Variants in CADPS2 observed in about 807,000 individuals in gnomAD.
The protein encoded by CADPS2 is calcium dependent secretion activator 2.
Under a neutral mutation model 172.5 loss-of-function variants are expected in CADPS2, and 93 were observed. That is an observed-to-expected ratio of 0.54 (90% confidence interval 0.46 to 0.64). The LOEUF (loss-of-function observed/expected upper bound fraction) is 0.64. Among genes scored for constraint, CADPS2 ranks in the 30% least tolerant of loss-of-function variants. The probability of loss-of-function intolerance (pLI) is 0.00; values close to 1 mark genes in which losing one functional copy is unlikely to be tolerated. For synonymous variants in CADPS2, 546 were observed against 555.2 expected (o/e 0.98, Z 0.23); for missense variants, 1,420 against 1,565.9 (o/e 0.91, Z 1.57).
At chr7:122,737,208 C>A (rs1274259335) in intron 1 of CADPS2, 140 bp from the exon 2 acceptor site, 1 of 574,044 alleles carries the variant, frequency 1.7e-6, no homozygotes, top group East Asian at 2.9e-5. Context: ...GCTAAAACAT[C>A]CTACTACTTG....
chr7:122,823,376 T>C (rs1356408111), intron 1 of CADPS2, among the ~76,000 whole-genome samples: 2 of 152,194 alleles, frequency 1.3e-5, no homozygotes, highest in African/African-American at 2.4e-5. Flanking sequence ...ATAATATGTA[T>C]ACAGTGTTTA....
intron 8 of CADPS2, among the ~76,000 whole-genome samples, chr7:122,530,206 T>C (rs186058532): frequency 1.5e-4 from 22 of 151,484 alleles, no homozygotes; most frequent in Non-Finnish European, 3.1e-4. Flanking sequence ...AATCTAAAAA[T>C]AAAATATATT....
At chr7:122,405,515 T>C (rs2046540284) in intron 20 of CADPS2, among the ~76,000 whole-genome samples, 1 of 152,048 alleles carries the variant, frequency 6.6e-6, no homozygotes, top group Non-Finnish European at 1.5e-5. Context: ...ATATAAAAAT[T>C]AGCTGGGTGT....
At chr7:122,697,821 A>G in intron 2 of CADPS2, 1 of 1,598,274 alleles carries the variant, frequency 6.3e-7, no homozygotes, top group Non-Finnish European at 8.5e-7. Context: ...CCACTACTGA[A>G]TGAGGCTGGA....
chr7:122,364,274 G>T (rs1289894444), intron 25 of CADPS2, among the ~76,000 whole-genome samples: 1 of 151,876 alleles, frequency 6.6e-6, no homozygotes, highest in Non-Finnish European at 1.5e-5. Flanking sequence ...AATTGGCTGG[G>T]CATGGTGGCG....
chr7:122,571,518 C>T (rs1380692129), intron 7 of CADPS2, among the ~76,000 whole-genome samples: 2 of 152,148 alleles, frequency 1.3e-5, no homozygotes, highest in Non-Finnish European at 2.9e-5. Context: ...AGTGAAGACT[C>T]AGGCCAACTT....
intron 7 of CADPS2, among the ~76,000 whole-genome samples, chr7:122,568,146 C>T (rs1384144796): frequency 2.6e-5 from 4 of 152,078 alleles, no homozygotes; most frequent in Non-Finnish European, 4.4e-5. Context: ...TGCCTATAAT[C>T]CCAGCACTTT....
At chr7:122,324,075 A>G (rs926534600) in intron 29 of CADPS2, among the ~76,000 whole-genome samples, 12 of 151,926 alleles carry the variant, frequency 7.9e-5, no homozygotes, top group African/African-American at 2.7e-4. Flanking sequence ...AATAAATAAC[A>G]CCATATAAGA....
rs192483849 is a variant in CADPS2, at chr7:122,676,005, A to C, written c.454-12436T>G. ...AAGTAAAAAAAACAACAACAAAAAA[A>C]GAAATTATAACCTCTTGAACCTCAA... On this transcript the variant is annotated intron_variant, in intron 2 of 29. Coordinates refer to ENST00000449022, the MANE Select transcript of CADPS2 (RefSeq NM_017954.11). Among the ~76,000 whole-genome samples the C allele has an allele frequency of 1.4e-4, 22 of 152,314 alleles. No homozygotes were observed. In the East Asian group the frequency reaches 3.9e-3, roughly 27 times the overall value.
chr7:122,470,759 G>A lies in CADPS2; in HGVS notation c.2186+616C>T, dbSNP rs1040091963. On this transcript the variant is annotated intron_variant, in intron 14 of 29. Transcript: ENST00000449022. ...GATCCACCCTCCTTGGCCTCTCAAA[G>A]TGCTAAGATTACAGGTGTAAGCCAC... Among the ~76,000 whole-genome samples, 9 of 152,228 alleles carry A rather than the reference G, an allele frequency of 5.9e-5. No individual in the cohort carries two copies. In the East Asian group the frequency reaches 1.4e-3, roughly 23 times the overall value.
At chr7:122,332,869 A>T (rs1048429015) in intron 28 of CADPS2, among the ~76,000 whole-genome samples, 4 of 152,326 alleles carry the variant, frequency 2.6e-5, no homozygotes, top group East Asian at 1.9e-4. Flanking sequence ...AAAAATATTT[A>T]AAAAATAATG....
chr7:122,366,640 C>CATATATATATACAT (rs2040900068), intron 25 of CADPS2: 7 of 139,424 alleles, frequency 5.0e-5, no homozygotes, highest in Non-Finnish European at 3.1e-5. Flanking sequence ...CACACACACA[C>CATATATATATACAT]ACACACATAT....
intron 5 of CADPS2, 113 bp from the exon 6 acceptor site, chr7:122,615,412 G>GT: frequency 1.6e-6 from 1 of 607,094 alleles, no homozygotes; most frequent in Admixed American, 3.6e-5. Context: ...AAAAAAATTT[G>GT]TTTTTTGTTA....
chr7:122,654,365 G>A (rs1004113539), intron 3 of CADPS2, among the ~76,000 whole-genome samples: 23 of 152,210 alleles, frequency 1.5e-4, no homozygotes, highest in African/African-American at 5.3e-4. Context: ...CATAGCTACT[G>A]AGAAGAAGTC....
chr7:122,695,379 A>C (rs143264305), intron 2 of CADPS2, among the ~76,000 whole-genome samples: 39 of 152,350 alleles, frequency 2.6e-4, no homozygotes, highest in African/African-American at 8.4e-4. Flanking sequence ...CACTAGGTAC[A>C]AGAGAAAATG....
At chr7:122,436,933 G>A in intron 17 of CADPS2, among the ~76,000 whole-genome samples, 1 of 152,064 alleles carries the variant, frequency 6.6e-6, no homozygotes, top group Non-Finnish European at 1.5e-5. Flanking sequence ...TCAGTTGAGA[G>A]CAAAATGATT....
chr7:122,441,187 T>C (rs2051301556), intron 16 of CADPS2, among the ~76,000 whole-genome samples: 2 of 152,112 alleles, frequency 1.3e-5, no homozygotes, highest in African/African-American at 2.4e-5. Context: ...AAGACAACTG[T>C]AAAGTCTGAG....
chr7:122,757,187 C>T (rs1464816894), intron 1 of CADPS2, among the ~76,000 whole-genome samples: 2 of 152,062 alleles, frequency 1.3e-5, no homozygotes, highest in Admixed American at 6.6e-5. Context: ...GTCTTTATTG[C>T]CCAGGCTGGA....
intron 1 of CADPS2, among the ~76,000 whole-genome samples, chr7:122,880,379 T>C (rs1210514476): frequency 6.6e-6 from 1 of 152,218 alleles, no homozygotes; most frequent in African/African-American, 2.4e-5. Flanking sequence ...TCTAAATAAA[T>C]ATGCACTAGC....
Sources: allele counts gnomAD v4.1 joint callset (sites outside exome capture counted in the v4.1 genomes callset), GRCh38; gene constraint gnomAD v4.1.1; transcripts MANE v1.5; gene names NCBI Gene and HGNC (gene_info 2026-07-23, HGNC 2026-07-21).